The following SCEL variants were observed in gnomAD, a reference collection of about 807,000 sequenced individuals.
SCEL encodes sciellin.
Under a neutral mutation model 117.6 loss-of-function variants are expected in SCEL, and 113 were observed. The observed-to-expected ratio is 0.96, with a 90% CI of 0.83 to 1.12. SCEL has a LOEUF of 1.12. SCEL is among the 50% of genes most tolerant of loss of function. The probability of loss-of-function intolerance (pLI) is 0.00; values close to 1 mark genes in which losing one functional copy is unlikely to be tolerated. For missense variants in SCEL, 785 were observed against 810.8 expected, an observed-to-expected ratio of 0.97 and a Z score of 0.39; for synonymous variants, 270 against 256.2, an observed-to-expected ratio of 1.05 and a Z score of -0.51.
chr13:77,644,436 T>C lies in SCEL; in HGVS notation c.*162T>C. ...GCATAAGTAATCTAATTGTCTTCAA[T>C]AAGGTCACACACATAAAAAGAGCCA... On this transcript the variant is annotated 3_prime_UTR_variant, in exon 33 of 33. Coordinates refer to ENST00000349847, the MANE Select transcript of SCEL (RefSeq NM_144777.3). The C allele has an allele frequency of 1.4e-6, 1 of 689,986 alleles. No homozygotes were observed. The highest frequency in any genetic ancestry group is 1.9e-5 in the South Asian group (1 of 52,394). 42.7% of individuals were successfully genotyped at this position (689,986 alleles called of 1,614,324 possible).
intron 27 of SCEL, among the ~76,000 whole-genome samples, chr13:77,624,543 C>A (rs1322991196): frequency 6.6e-6 from 1 of 152,154 alleles, no homozygotes; most frequent in Non-Finnish European, 1.5e-5. Flanking sequence ...ACATTCTGAG[C>A]TATTGGGGGT....
chr13:77,610,613 C>T (rs1478153761), intron 22 of SCEL, among the ~76,000 whole-genome samples: 1 of 152,130 alleles, frequency 6.6e-6, no homozygotes, highest in Non-Finnish European at 1.5e-5. Context: ...GGAATGATCT[C>T]TTACCAGTAT....
chr13:77,631,908 G>A (rs927522393), intron 28 of SCEL, among the ~76,000 whole-genome samples: 4 of 152,258 alleles, frequency 2.6e-5, no homozygotes, highest in African/African-American at 9.6e-5. Flanking sequence ...TCTGGAGGCT[G>A]GAAGGCCAAG....
chr13:77,617,772 A>G lies in SCEL; in HGVS notation c.1512-31A>G, dbSNP rs186353311. The G allele has an allele frequency of 5.0e-3, 7,776 of 1,570,748 alleles. 43 individuals carry two copies. Among genetic ancestry groups the G allele is most frequent in the Non-Finnish European group, 6.3e-3 (7,196 of 1,145,400 alleles). On this transcript the variant is annotated intron_variant, in intron 25 of 32. Transcript: ENST00000349847. ...TATTACCAAAAGAACTTCAAAATTA[A>G]CCTGCTCTCATTTTATTTTTTGATT... is the stretch of plus-strand genomic sequence containing the variant.
At chr13:77,599,024 T>C (rs1174628419) in intron 13 of SCEL, among the ~76,000 whole-genome samples, 2 of 152,196 alleles carry the variant, frequency 1.3e-5, no homozygotes, top group African/African-American at 2.4e-5. Flanking sequence ...CATTGTAACA[T>C]GGGCTCACTT....
chr13:77,643,007 T>G (rs2090633243), intron 32 of SCEL, among the ~76,000 whole-genome samples, 199 bp downstream of exon 32: 1 of 152,184 alleles, frequency 6.6e-6, no homozygotes, highest in African/African-American at 2.4e-5. Flanking sequence ...TCTTCTGGTA[T>G]CAGATTAGAT....
At chr13:77,643,823 C>G (rs2090675296) in intron 32 of SCEL, among the ~76,000 whole-genome samples, 1 of 152,112 alleles carries the variant, frequency 6.6e-6, no homozygotes, top group African/African-American at 2.4e-5. Context: ...AGAGAGTTCT[C>G]ATATTCACTT....
At position 77,602,693 on chromosome 13, in the gene SCEL, G is replaced by C. The variant is rs2087797136; in HGVS notation, c.1017G>C (p.Arg339Ser). Reference protein sequence around the residue: ...NLESVAKVNARMNKTSRRSED... With the variant: ...NLESVAKVNASMNKTSRRSED... ...AATCTGTTGCTAAAGTGAATGCCAG[G>C]ATGAATAAAACGAGCAGAAGGTGAG... Residue 339 changes from arginine to serine, a missense_variant, in exon 17 of 33, where the codon AGG (arginine) becomes AGC (serine). Coordinates refer to ENST00000349847, the MANE Select transcript of SCEL (RefSeq NM_144777.3). 6.2e-7 allele frequency: 1 copy of C among 1,613,602 alleles called. No individual in the cohort carries two copies. The highest frequency in any genetic ancestry group is 1.1e-5 in the South Asian group (1 of 91,046).
chr13:77,599,876 G>T, intron 15 of SCEL, 128 bp downstream of exon 15: 1 of 686,626 alleles, frequency 1.5e-6, no homozygotes, highest in Non-Finnish European at 2.6e-6. Flanking sequence ...GGGGTCCAGG[G>T]ATAGTGTGTA....
At chr13:77,619,753 A>G (rs1467064693) in intron 27 of SCEL, among the ~76,000 whole-genome samples, 1 of 152,132 alleles carries the variant, frequency 6.6e-6, no homozygotes, top group East Asian at 1.9e-4. Context: ...TCTTTTTATC[A>G]GTAACAGTTT....
At chr13:77,624,532 CA>C (rs1335181464) in intron 27 of SCEL, among the ~76,000 whole-genome samples, 1 of 152,146 alleles carries the variant, frequency 6.6e-6, no homozygotes, top group African/African-American at 2.4e-5. Context: ...TAAATAAGTT[CA>C]CATTCTGAGC....
At chr13:77,634,581 CTA>C (rs1409675010) in intron 29 of SCEL, 131 bp downstream of exon 29, 49 of 565,546 alleles carry the variant, frequency 8.7e-5, no homozygotes, top group Admixed American at 1.8e-4. Context: ...ACATTGAGTT[CTA>C]TATATATATA....
intron 1 of SCEL, among the ~76,000 whole-genome samples, chr13:77,550,376 A>T (rs1383220274): frequency 1.6e-5 from 2 of 125,420 alleles, no homozygotes; most frequent in African/African-American, 3.1e-5. Flanking sequence ...ACAGAATGAG[A>T]CTTTGTCTAA....
At chr13:77,637,394 AT>A (rs2090351886) in intron 30 of SCEL, among the ~76,000 whole-genome samples, 200 bp downstream of exon 30, 1 of 115,616 alleles carries the variant, frequency 8.6e-6, no homozygotes, top group Admixed American at 1.2e-4. Flanking sequence ...ATATATAAAT[AT>A]ATATACATAT....
intron 24 of SCEL, 136 bp from the exon 25 acceptor site, chr13:77,617,463 T>G (rs1419227703): frequency 1.4e-5 from 8 of 566,298 alleles, no homozygotes. Context: ...CCTAAATTGG[T>G]TAGAAAACGT....
rs1312567826 is a variant in SCEL at position 77,599,736 on chromosome 13, A to G, written c.905A>G (p.Lys302Arg). The G allele has an allele frequency of 2.5e-6, 4 of 1,609,458 alleles. No homozygotes were observed. In the African/African-American group the frequency reaches 5.3e-5, roughly 22 times the overall value. ...SLIYMSTRTDKDGKGIQSLGS... is the reference protein window; with the variant it reads ...SLIYMSTRTDRDGKGIQSLGS... ...ATCTATATGAGTACCCGGACAGATAAAGATGGCAAAGGGTAAGATTTTATT... is the reference window on the plus strand; with the variant it reads ...ATCTATATGAGTACCCGGACAGATAGAGATGGCAAAGGGTAAGATTTTATT... Residue 302 changes from lysine (K) to arginine (R), a missense_variant, in exon 15 of 33, where the codon AAA (lysine) becomes AGA (arginine). Lys to Arg is a conservative substitution (Grantham distance 26). Coordinates refer to ENST00000349847, the MANE Select transcript of SCEL (RefSeq NM_144777.3).
At chr13:77,557,722 G>C (rs2084742195) in intron 3 of SCEL, among the ~76,000 whole-genome samples, 1 of 152,168 alleles carries the variant, frequency 6.6e-6, no homozygotes, top group Non-Finnish European at 1.5e-5. Context: ...GAGTGCTTCT[G>C]GTATTTAATG....
At chr13:77,619,509 C>T (rs2089291165) in intron 27 of SCEL, among the ~76,000 whole-genome samples, 1 of 152,114 alleles carries the variant, frequency 6.6e-6, no homozygotes, top group Admixed American at 6.6e-5. Flanking sequence ...TTCTTCTTTC[C>T]ATTCTTCATA....
chr13:77,570,965 G>T (rs1176659040), intron 8 of SCEL, among the ~76,000 whole-genome samples: 30 of 150,666 alleles, frequency 2.0e-4, no homozygotes, highest in Non-Finnish European at 1.5e-5. Flanking sequence ...CCGAGTAGTT[G>T]GGAGTACAGG....
Sources: gnomAD v4.1 joint callset for allele counts (sites outside exome capture counted in the v4.1 genomes callset) on GRCh38, gnomAD v4.1.1 for gene constraint, MANE v1.5 for transcripts, NCBI Gene and HGNC (gene_info 2026-07-23, HGNC 2026-07-21) for gene names.